The following GALNT17 variants were observed in gnomAD, a reference collection of about 807,000 sequenced individuals.
GALNT17 encodes the protein UDP-GalNAc:polypeptide N-acetylgalactosaminyltransferase-like 3.
Under a neutral mutation model 63.7 loss-of-function variants are expected in GALNT17, and 29 were observed. The ratio of observed to expected loss-of-function variants is 0.46; its 90% confidence interval spans 0.34 to 0.62. The LOEUF (loss-of-function observed/expected upper bound fraction) is 0.62, where lower values mean the gene tolerates loss of function less well. Ranked by LOEUF, GALNT17 falls within the 20% of genes least tolerant of loss-of-function variation. The probability of loss-of-function intolerance (pLI) is 0.01; values close to 1 mark genes in which losing one functional copy is unlikely to be tolerated. For missense variants in GALNT17, 603 were observed against 799.6 expected, an observed-to-expected ratio of 0.75 and a Z score of 2.97; for synonymous variants, 305 against 318.3, an observed-to-expected ratio of 0.96 and a Z score of 0.45.
chr7:71,633,967 CCA>C (rs1369411084), intron 6 of GALNT17, among the ~76,000 whole-genome samples: 1 of 152,216 alleles, frequency 6.6e-6, no homozygotes, highest in African/African-American at 2.4e-5. Context: ...CAGCCCATGC[CCA>C]CACACATGGT....
intron 2 of GALNT17, among the ~76,000 whole-genome samples, chr7:71,377,116 T>G (rs10950259): frequency 1.9e-5 from 1 of 53,214 alleles, no homozygotes; most frequent in Admixed American, 2.4e-4. Context: ...ATAAAAAAAA[T>G]ATATATATAT....
chr7:71,231,893 AAT>A (rs1446980485), intron 1 of GALNT17, among the ~76,000 whole-genome samples: 5 of 152,172 alleles, frequency 3.3e-5, no homozygotes, highest in Non-Finnish European at 5.9e-5. Context: ...CCCACCTTCA[AAT>A]ACCATGACAT....
At chr7:71,448,548 A>G (rs1329874637) in intron 5 of GALNT17, among the ~76,000 whole-genome samples, 3 of 151,694 alleles carry the variant, frequency 2.0e-5, no homozygotes, top group Non-Finnish European at 4.4e-5. Flanking sequence ...CTGCTTTTAC[A>G]TTTTTAATTT....
chr7:71,132,936 G>T lies in GALNT17; in HGVS notation c.134G>T (p.Arg45Leu). 6.2e-7 allele frequency: 1 copy of T among 1,611,012 alleles called. No individual in the cohort carries two copies. Among genetic ancestry groups the T allele is most frequent in the Non-Finnish European group, 8.5e-7 (1 of 1,179,420 alleles). The change falls in exon 1 of 11, where the codon CGC (arginine) becomes CTC (leucine). Residue 45 changes from arginine to leucine, a missense_variant. This residue lies in a region of GALNT17 where 195 missense variants were observed against 215.0 expected (regional missense o/e 0.91). Coordinates refer to ENST00000333538, the MANE Select transcript of GALNT17 (RefSeq NM_022479.3). The part of the protein sequence containing the change: ...SGDAFHEIRP[R>L]AEVANLSAHS... Reference sequence around the variant, plus strand: ...GACGCCTTCCACGAGATCCGGCCGCGCGCCGAGGTGGCCAACCTCAGCGCG... The same window carrying T: ...GACGCCTTCCACGAGATCCGGCCGCTCGCCGAGGTGGCCAACCTCAGCGCG...
In GALNT17 at chr7:71,278,637, A is replaced by G. The variant is rs370156260; in HGVS notation, c.239-56913A>G. On this transcript the variant is annotated intron_variant, in intron 1 of 10. Coordinates refer to ENST00000333538, the MANE Select transcript of GALNT17 (RefSeq NM_022479.3). ...GGGAGGCCTCAGAAAACCTACAATC[A>G]TGGAGGAAGGGGAAGCAAACACATC... 4.6e-5 allele frequency among the ~76,000 whole-genome samples: 7 copies of G among 152,158 alleles called. No homozygotes were observed. In the East Asian group the frequency reaches 5.8e-4, roughly 13 times the overall value.
At chr7:71,357,595 A>G (rs1183342241) in intron 2 of GALNT17, among the ~76,000 whole-genome samples, 1 of 152,112 alleles carries the variant, frequency 6.6e-6, no homozygotes, top group Non-Finnish European at 1.5e-5. Flanking sequence ...CCCAGAAACA[A>G]TGCCTTGAGT....
intron 5 of GALNT17, among the ~76,000 whole-genome samples, chr7:71,451,079 A>G (rs908645937): frequency 6.7e-6 from 1 of 149,550 alleles, no homozygotes; most frequent in African/African-American, 2.5e-5. Context: ...ATCCCTCCCC[A>G]CTCCCTCCAC....
intron 9 of GALNT17, among the ~76,000 whole-genome samples, chr7:71,679,224 A>G (rs1190543562): frequency 6.6e-6 from 1 of 151,922 alleles, no homozygotes; most frequent in Non-Finnish European, 1.5e-5. Context: ...CAGCCTGGGT[A>G]ACATAACAAG....
At chr7:71,369,264 A>G (rs576831347) in intron 2 of GALNT17, among the ~76,000 whole-genome samples, 2 of 152,292 alleles carry the variant, frequency 1.3e-5, no homozygotes, top group East Asian at 3.9e-4. Flanking sequence ...TCAGCCAAAG[A>G]TTAGTGGTCC....
chr7:71,607,968 C>T (rs1790070920), intron 6 of GALNT17, among the ~76,000 whole-genome samples: 1 of 152,196 alleles, frequency 6.6e-6, no homozygotes, highest in African/African-American at 2.4e-5. Flanking sequence ...ACTTATGTCT[C>T]ATACCTGTAA....
At chr7:71,149,497 A>G (rs1788093621) in intron 1 of GALNT17, among the ~76,000 whole-genome samples, 1 of 151,964 alleles carries the variant, frequency 6.6e-6, no homozygotes, top group Non-Finnish European at 1.5e-5. Flanking sequence ...TGCTGGGGTG[A>G]GCACAAGGAT....
chr7:71,474,416 C>T (rs1787690020), intron 5 of GALNT17, among the ~76,000 whole-genome samples: 2 of 152,166 alleles, frequency 1.3e-5, no homozygotes, highest in South Asian at 4.1e-4. Context: ...TACCCAGCCC[C>T]TATTCAAGAT....
chr7:71,469,315 A>C (rs1250467787), intron 5 of GALNT17, among the ~76,000 whole-genome samples: 1 of 152,240 alleles, frequency 6.6e-6, no homozygotes, highest in African/African-American at 2.4e-5. Flanking sequence ...TTTAAACTTT[A>C]TAACCCTCAA....
At chr7:71,617,475 C>T (rs1399573010) in intron 6 of GALNT17, among the ~76,000 whole-genome samples, 1 of 151,700 alleles carries the variant, frequency 6.6e-6, no homozygotes, top group Non-Finnish European at 1.5e-5. Flanking sequence ...GTGCCCACCA[C>T]CACTCCCAGC....
At chr7:71,247,796 A>G (rs1164019609) in intron 1 of GALNT17, among the ~76,000 whole-genome samples, 1 of 152,230 alleles carries the variant, frequency 6.6e-6, no homozygotes, top group Non-Finnish European at 1.5e-5. Context: ...CCAGTAACAT[A>G]AAGTCCATCA....
intron 5 of GALNT17, among the ~76,000 whole-genome samples, chr7:71,520,985 C>T (rs1788521048): frequency 6.6e-6 from 1 of 152,182 alleles, no homozygotes; most frequent in African/African-American, 2.4e-5. Flanking sequence ...TCTTCAGACA[C>T]TGTCAGAAGT....
chr7:71,444,987 G>A (rs1402566393), intron 5 of GALNT17, among the ~76,000 whole-genome samples: 2 of 152,114 alleles, frequency 1.3e-5, no homozygotes, highest in African/African-American at 2.4e-5. Flanking sequence ...CTCCAAAGCG[G>A]TGTCTCTGGA....
chr7:71,354,871 C>T (rs756412044), intron 2 of GALNT17, among the ~76,000 whole-genome samples: 2 of 152,058 alleles, frequency 1.3e-5, no homozygotes, highest in African/African-American at 4.8e-5. Context: ...AATTTTTTTC[C>T]TGAGGAAATA....
chr7:71,282,689 C>G (rs1249559991), intron 1 of GALNT17, among the ~76,000 whole-genome samples: 1 of 149,514 alleles, frequency 6.7e-6, no homozygotes, highest in African/African-American at 2.5e-5. Flanking sequence ...GGGTCCATCT[C>G]AAGGGAGGGC....
Sources: gnomAD v4.1 joint callset for allele counts (sites outside exome capture counted in the v4.1 genomes callset) on GRCh38, gnomAD v4.1.1 for gene constraint, gnomAD v4.1.1 regional missense constraint, MANE v1.5 for transcripts, NCBI Gene and HGNC (gene_info 2026-07-23, HGNC 2026-07-21) for gene names.